Variants in HDAC4 observed in about 807,000 individuals in gnomAD.
HDAC4 encodes histone deacetylase 4.
A neutral mutation model predicts 135.1 loss-of-function variants in HDAC4; 16 were observed. That is an observed-to-expected ratio of 0.12 (90% CI 0.08 to 0.18). The LOEUF is 0.18. Among genes scored for constraint, HDAC4 ranks in the 10% least tolerant of loss-of-function variants. The probability of loss-of-function intolerance (pLI) is 1.00; values close to 1 mark genes in which losing one functional copy is unlikely to be tolerated. For missense variants in HDAC4, 1,143 were observed against 1,511.8 expected (o/e 0.76, Z 4.05); for synonymous variants, 685 against 653.4 (o/e 1.05, Z -0.74).
chr2:239,273,659 C>A (rs2050178292), intron 2 of HDAC4, among the ~76,000 whole-genome samples: 1 of 152,210 alleles, frequency 6.6e-6, no homozygotes, highest in Admixed American at 6.5e-5. Flanking sequence ...CCAGCTGCAA[C>A]CGCCAGGTCA....
rs1172774438 is a variant in HDAC4 at position 239,285,956 on chromosome 2, C to T, written c.23-49292G>A. On this transcript the variant is annotated intron_variant, in intron 2 of 26. Coordinates refer to ENST00000543185, the MANE Select transcript of HDAC4 (RefSeq NM_001378414.1). The surrounding 1 kb of genome is among the most constrained non-coding windows in gnomAD (Gnocchi z 4.5). ...CTCTATTTCCAAACAGTAAGACCAG[C>T]GAGACATACGCTCCCAAGCAAACAC... Among the ~76,000 whole-genome samples the T allele has an allele frequency of 6.6e-6, 1 of 151,956 alleles. No individual in the cohort carries two copies. The highest frequency in any genetic ancestry group is 1.5e-5 in the Non-Finnish European group (1 of 68,004).
chr2:239,086,141 A>G (rs1336512794), intron 19 of HDAC4, among the ~76,000 whole-genome samples: 5 of 40,140 alleles, frequency 1.2e-4, no homozygotes, highest in Non-Finnish European at 1.7e-4. Flanking sequence ...GGATCTGACT[A>G]TCTCGCACGT....
Position 239,140,342 on chromosome 2 carries a change from G to A in HDAC4, c.866-546C>T, listed in dbSNP as rs1380049350. Among the ~76,000 whole-genome samples, 3 of 152,128 alleles carry A rather than the reference G, an allele frequency of 2.0e-5. No individual in the cohort carries two copies. The East Asian group carries it at 5.8e-4, about 29-fold the overall frequency. On this transcript the variant is annotated intron_variant, in intron 8 of 26. Transcript: ENST00000543185. Reference sequence around the variant, plus strand: ...AACACACGCTCGGACAGTCTTAGAGGATCTTTAACCATCGGTGCGGCTTGA... The same window carrying A: ...AACACACGCTCGGACAGTCTTAGAGAATCTTTAACCATCGGTGCGGCTTGA...
intron 1 of HDAC4, among the ~76,000 whole-genome samples, chr2:239,378,128 G>A (rs1328068749): frequency 6.6e-6 from 1 of 152,162 alleles, no homozygotes; most frequent in African/African-American, 2.4e-5. Flanking sequence ...CTCTCAGCCT[G>A]GGGACATGCC....
chr2:239,221,984 A>T (rs757787092), intron 3 of HDAC4, among the ~76,000 whole-genome samples: 41 of 152,220 alleles, frequency 2.7e-4, no homozygotes, highest in Admixed American at 1.8e-3. Flanking sequence ...TCCAAATTTG[A>T]TTCGAACAGA....
At chr2:239,261,796 A>G (rs1392292404) in intron 2 of HDAC4, among the ~76,000 whole-genome samples, 1 of 152,072 alleles carries the variant, frequency 6.6e-6, no homozygotes, top group African/African-American at 2.4e-5. Context: ...AACTCAAACC[A>G]CCCCAGAACC....
At chr2:239,198,903 C>G (rs753344388) in intron 3 of HDAC4, among the ~76,000 whole-genome samples, 4 of 152,146 alleles carry the variant, frequency 2.6e-5, no homozygotes, top group Non-Finnish European at 4.4e-5. Flanking sequence ...GAAGCAGGCC[C>G]CAGTCGTCAC....
In HDAC4 at chr2:239,306,011, C is replaced by T. The variant is rs1286517843; in HGVS notation, c.22+46667G>A. Among the ~76,000 whole-genome samples the T allele has an allele frequency of 6.6e-6, 1 of 152,142 alleles. No homozygotes were observed. The highest frequency in any genetic ancestry group is 1.9e-4 in the East Asian group (1 of 5,200). On this transcript the variant is annotated intron_variant, in intron 2 of 26. Transcript: ENST00000543185. This position sits in a 1 kb window ranked among gnomAD's most constrained non-coding sequence, Gnocchi z 4.5. ...GGCAAGCACAGTGTCTGCGTCTCCC[C>T]CACGCTGAAATGATTCCTAGTGTCC...
At position 239,111,585 on chromosome 2, in the gene HDAC4, G is replaced by A. The variant is rs2038676934; in HGVS notation, c.1919C>T (p.Ala640Val). 3 of 1,612,012 alleles carry A rather than the reference G, an allele frequency of 1.9e-6. No individual in the cohort carries two copies. Among genetic ancestry groups the A allele is most frequent in the Non-Finnish European group, 2.5e-6 (3 of 1,179,704 alleles). Reference sequence around the variant, plus strand: ...CACAGACACGGGGAAGGTGGCAGACGCGGGTGAGGACTGCGCCCGGGACAG... The same window carrying A: ...CACAGACACGGGGAAGGTGGCAGACACGGGTGAGGACTGCGCCCGGGACAG... Reference protein sequence around the residue: ...RPLSRAQSSPASATFPVSVQE... With the variant: ...RPLSRAQSSPVSATFPVSVQE... Residue 640 changes from alanine to valine, a missense_variant, in exon 14 of 27, where the codon GCG becomes GTG. Coordinates refer to ENST00000543185, the MANE Select transcript of HDAC4 (RefSeq NM_001378414.1).
At chr2:239,268,275 CGGGCCAGGCCCCACTG>C (rs764564012) in intron 2 of HDAC4, among the ~76,000 whole-genome samples, 4,350 of 152,306 alleles carry the variant, frequency 0.029, 109 homozygotes, top group Non-Finnish European at 0.042. Context: ...GTGGCCCTGG[CGGGCCAGGCCCCACTG>C]ACAGCCCTAG....
intron 3 of HDAC4, among the ~76,000 whole-genome samples, chr2:239,221,354 G>A (rs1406918126): frequency 1.3e-5 from 2 of 150,548 alleles, no homozygotes; most frequent in African/African-American, 2.4e-5. Context: ...AAACCCTCTG[G>A]AAAAAAAAAT....
intron 3 of HDAC4, among the ~76,000 whole-genome samples, chr2:239,220,005 A>C (rs2046861624): frequency 6.6e-6 from 1 of 152,248 alleles, no homozygotes; most frequent in Non-Finnish European, 1.5e-5. Context: ...TACTTCAGCC[A>C]ACAGATAGGC....
chr2:239,123,271 C>G (rs960696162), intron 12 of HDAC4, among the ~76,000 whole-genome samples: 3 of 152,254 alleles, frequency 2.0e-5, no homozygotes, highest in African/African-American at 7.2e-5. Flanking sequence ...AGATGCCTGG[C>G]AGGCGCCCGA....
chr2:239,357,131 G>A (rs1426674738), intron 1 of HDAC4, among the ~76,000 whole-genome samples: 1 of 152,036 alleles, frequency 6.6e-6, no homozygotes, highest in Admixed American at 6.6e-5. Context: ...ACACCTTCTG[G>A]GCCATAAAAC....
At chr2:239,253,255 A>T (rs919699667) in intron 2 of HDAC4, among the ~76,000 whole-genome samples, 28 of 152,218 alleles carry the variant, frequency 1.8e-4, no homozygotes, top group African/African-American at 2.4e-5. Context: ...CAAAACAAAG[A>T]TGCAGCTTTC....
chr2:239,161,350 G>A (rs918142809), intron 6 of HDAC4, among the ~76,000 whole-genome samples: 1 of 152,126 alleles, frequency 6.6e-6, no homozygotes, highest in African/African-American at 2.4e-5. Context: ...GGCGACCTAA[G>A]AAATCTTGCC....
chr2:239,169,458 C>T (rs1575274773), intron 5 of HDAC4, among the ~76,000 whole-genome samples: 1 of 152,262 alleles, frequency 6.6e-6, no homozygotes, highest in African/African-American at 2.4e-5. Context: ...CTACGGAAGG[C>T]AGCTTTCTAA....
chr2:239,193,878 G>A (rs2045183147), intron 3 of HDAC4, among the ~76,000 whole-genome samples: 1 of 152,232 alleles, frequency 6.6e-6, no homozygotes, highest in African/African-American at 2.4e-5. Flanking sequence ...TTGCTCCAAA[G>A]CATCTAATAG....
At chr2:239,132,826 T>C (rs1307662622) in intron 11 of HDAC4, among the ~76,000 whole-genome samples, 1 of 152,220 alleles carries the variant, frequency 6.6e-6, no homozygotes, top group Admixed American at 6.5e-5. Context: ...CCAGGAATCC[T>C]GAAGATCAGG....
Sources: gnomAD v4.1 joint callset for allele counts (sites outside exome capture counted in the v4.1 genomes callset) on GRCh38, gnomAD v4.1.1 for gene constraint, Gnocchi (gnomAD v3.1) non-coding constraint, MANE v1.5 for transcripts, NCBI Gene and HGNC (gene_info 2026-07-23, HGNC 2026-07-21) for gene names.